ANGPT4: variants seen among roughly 807,000 people sequenced by gnomAD.
ANGPT4 encodes the protein angiopoietin-4.
In ANGPT4, 50 loss-of-function variants were observed where a neutral mutation model predicts 53.0. The ratio of observed to expected loss-of-function variants is 0.94; its 90% CI spans 0.75 to 1.20. ANGPT4 has a LOEUF of 1.20. Ranked by LOEUF, ANGPT4 falls within the 50% of genes most tolerant of loss-of-function variation. ANGPT4 has a pLI of 0.00. For missense variants in ANGPT4, 648 were observed against 637.1 expected (o/e 1.02, Z -0.18); for synonymous variants, 251 against 259.7 (o/e 0.97, Z 0.32).
chr20:888,556 C>T (rs892518219), intron 2 of ANGPT4, 117 bp from the exon 3 acceptor site: 12 of 1,461,092 alleles, frequency 8.2e-6, no homozygotes, highest in East Asian at 2.4e-5. Flanking sequence ...TCCACTCTCC[C>T]AGTCGTAGTT....
Position 888,331 on chromosome 20 carries a change from G to A in ANGPT4, c.574C>T (p.Gln192Ter). The A allele has an allele frequency of 1.9e-6, 3 of 1,613,498 alleles. No homozygotes were observed. The highest frequency in any genetic ancestry group is 2.5e-6 in the Non-Finnish European group (3 of 1,179,836). ...LLQRQKLQQL[Q>*]GQNSALEKRL... ...TGCCACACCCACCTGTTTTGGCCCT[G>A]AAGCTGCTGGAGCTTCTGCCTCTGT... The change falls in exon 3 of 9, where the codon CAG (glutamine) becomes TAG (stop). Residue 192 changes from glutamine to a stop codon, truncating the protein, a stop_gained. Coordinates refer to ENST00000381922, the MANE Select transcript of ANGPT4 (RefSeq NM_015985.4). LOFTEE classifies it high-confidence loss of function.
chr20:885,073 C>G lies in ANGPT4; in HGVS notation c.835+5G>C, dbSNP rs368820037. The G allele has an allele frequency of 7.3e-5, 118 of 1,613,506 alleles. No individual in the cohort carries two copies. Among genetic ancestry groups the G allele is most frequent in the Non-Finnish European group, 9.7e-5 (115 of 1,179,924 alleles). On this transcript the variant is annotated splice_donor_5th_base_variant and intron_variant, in intron 4 of 8. Transcript: ENST00000381922. ...GCCACACTGGGGCGCACACCGCTCACTCACCCGGGGCCGAGGCGTTAGCCC... is the reference window on the plus strand; with the variant it reads ...GCCACACTGGGGCGCACACCGCTCAGTCACCCGGGGCCGAGGCGTTAGCCC...
At chr20:907,711 C>G (rs575315929) in intron 1 of ANGPT4, among the ~76,000 whole-genome samples, 99 of 152,284 alleles carry the variant, frequency 6.5e-4, no homozygotes, top group African/African-American at 2.3e-3. Flanking sequence ...CAGGTGTAAC[C>G]AGGCGGTGCT....
intron 1 of ANGPT4, among the ~76,000 whole-genome samples, chr20:900,821 G>T (rs960397390): frequency 7.9e-5 from 12 of 151,510 alleles, no homozygotes; most frequent in African/African-American, 2.9e-4. Flanking sequence ...GAACCCCCTT[G>T]GACACTCTCT....
Position 878,163 on chromosome 20 carries a change from G to A in ANGPT4, c.1218C>T (p.Tyr406=), listed in dbSNP as rs749403467. Residue 406 remains tyrosine (Y), a splice_region_variant and synonymous_variant, in exon 7 of 9, where the codon TAC becomes TAT. Coordinates refer to ENST00000381922, the MANE Select transcript of ANGPT4 (RefSeq NM_015985.4). ...HFHLGSENQL[Y]RLSVVGYSGS... ...AACGGCCTGGGCCCCGAACCCACCTGTATAGCTGGTTCTCACTGCCCAGGT... is the reference window on the plus strand; with the variant it reads ...AACGGCCTGGGCCCCGAACCCACCTATATAGCTGGTTCTCACTGCCCAGGT... 3 of 1,595,438 alleles carry A rather than the reference G, an allele frequency of 1.9e-6. No individual in the cohort carries two copies. Among genetic ancestry groups the A allele is most frequent in the Admixed American group, 3.4e-5 (2 of 59,694 alleles).
intron 1 of ANGPT4, among the ~76,000 whole-genome samples, chr20:915,422 G>A (rs1982891097): frequency 1.3e-5 from 2 of 152,064 alleles, no homozygotes; most frequent in Admixed American, 6.6e-5. Context: ...TACCTGCCTG[G>A]CCCACTCTAT....
At position 872,741 on chromosome 20, in the gene ANGPT4, C is replaced by T. The variant is rs1236005919; in HGVS notation, c.*219G>A. 11 of 586,926 alleles carry T rather than the reference C, an allele frequency of 1.9e-5. No homozygotes were observed. The highest frequency in any genetic ancestry group is 1.9e-4 in the African/African-American group (10 of 53,476). 36.4% of individuals were successfully genotyped at this position (586,926 alleles called of 1,614,324 possible). A position where few individuals can be genotyped will look rare whatever the true frequency, so the allele number is the denominator to read the frequency against. ...AGGGAGAGAAGAGGGGCGAGGACTA[C>T]ATCAGAGGGATGGGCCCCGAACACC... On this transcript the variant is annotated 3_prime_UTR_variant, in exon 9 of 9. Coordinates refer to ENST00000381922, the MANE Select transcript of ANGPT4 (RefSeq NM_015985.4).
At chr20:881,112 T>C in intron 5 of ANGPT4, 59 bp downstream of exon 5, 6 of 1,363,964 alleles carry the variant, frequency 4.4e-6, no homozygotes, top group South Asian at 1.4e-5. Context: ...GGGTGTCTGT[T>C]TGGGAAGCCC....
chr20:880,880 G>T (rs1981377678), intron 5 of ANGPT4, among the ~76,000 whole-genome samples: 1 of 152,220 alleles, frequency 6.6e-6, no homozygotes. Context: ...AATTTTGGGG[G>T]TTGTTTGTAA....
In ANGPT4 at chr20:907,636, C is replaced by T. The variant is rs567153852; in HGVS notation, c.309+8270G>A. ...CACCCTCCAAGGTAGGACCTGTTATCGACCTATTTTACAGACGAGGCACAG... is the reference window on the plus strand; with the variant it reads ...CACCCTCCAAGGTAGGACCTGTTATTGACCTATTTTACAGACGAGGCACAG... On this transcript the variant is annotated intron_variant, in intron 1 of 8. Coordinates refer to ENST00000381922, the MANE Select transcript of ANGPT4 (RefSeq NM_015985.4). Among the ~76,000 whole-genome samples, 13 of 152,282 alleles carry T rather than the reference C, an allele frequency of 8.5e-5. No individual in the cohort carries two copies. In the East Asian group the frequency reaches 1.4e-3, roughly 16 times the overall value.
At chr20:892,390 G>T (rs954009131) in intron 1 of ANGPT4, among the ~76,000 whole-genome samples, 40 of 152,242 alleles carry the variant, frequency 2.6e-4, no homozygotes, top group African/African-American at 9.4e-4. Context: ...GAGCCCAGGA[G>T]TTTGAGACCA....
chr20:905,297 G>A (rs961505459), intron 1 of ANGPT4, among the ~76,000 whole-genome samples: 1 of 152,216 alleles, frequency 6.6e-6, no homozygotes, highest in Non-Finnish European at 1.5e-5. Context: ...AGGTTTGTCT[G>A]CCCTGTTCAT....
At chr20:874,514 T>G in intron 7 of ANGPT4, 100 bp from the exon 8 acceptor site, 1 of 1,507,132 alleles carries the variant, frequency 6.6e-7, no homozygotes, top group South Asian at 1.2e-5. Flanking sequence ...CAGGCTGGGC[T>G]TCCCCTCCAG....
chr20:884,549 G>C (rs1306306001), intron 4 of ANGPT4, among the ~76,000 whole-genome samples: 1 of 152,232 alleles, frequency 6.6e-6, no homozygotes, highest in African/African-American at 2.4e-5. Context: ...TGGGAGCCCA[G>C]CCCAGAATTG....
At chr20:904,622 G>A (rs770153366) in intron 1 of ANGPT4, among the ~76,000 whole-genome samples, 1 of 152,156 alleles carries the variant, frequency 6.6e-6, no homozygotes, top group Admixed American at 6.5e-5. Context: ...GAAATCACAC[G>A]TTTTTTTGGT....
intron 1 of ANGPT4, among the ~76,000 whole-genome samples, chr20:901,232 G>C (rs190622507): frequency 6.6e-6 from 1 of 152,118 alleles, no homozygotes; most frequent in East Asian, 1.9e-4. Flanking sequence ...GGAATGTCAG[G>C]CCTCTGAGCC....
chr20:907,759 C>T (rs763333565), intron 1 of ANGPT4, among the ~76,000 whole-genome samples: 9 of 152,134 alleles, frequency 5.9e-5, no homozygotes, highest in Non-Finnish European at 8.8e-5. Flanking sequence ...CATGTGACAG[C>T]GCCCCTGCCC....
intron 7 of ANGPT4, among the ~76,000 whole-genome samples, chr20:875,242 C>T (rs774308658): frequency 7.2e-5 from 11 of 152,280 alleles, no homozygotes; most frequent in South Asian, 2.1e-4. Flanking sequence ...TGGGAGTCTA[C>T]GTGCATTTTG....
At chr20:890,949 C>T (rs761875251) in intron 1 of ANGPT4, among the ~76,000 whole-genome samples, 16 of 152,238 alleles carry the variant, frequency 1.1e-4, no homozygotes, top group Non-Finnish European at 2.1e-4. Context: ...CTTCATACCA[C>T]TTATCACCAC....
Sources: allele counts gnomAD v4.1 joint callset (sites outside exome capture counted in the v4.1 genomes callset), GRCh38; gene constraint gnomAD v4.1.1; transcripts MANE v1.5; gene names NCBI Gene and HGNC (gene_info 2026-07-23, HGNC 2026-07-21).